JUN: variants seen among roughly 807,000 people sequenced by gnomAD.
JUN encodes the protein Jun proto-oncogene, AP-1 transcription factor subunit, also known as transcription factor Jun.
Under a neutral mutation model 19.7 loss-of-function variants are expected in JUN, and 7 were observed. The ratio of observed to expected loss-of-function variants is 0.36; its 90% CI spans 0.20 to 0.67. JUN has a LOEUF of 0.67. Among genes scored for constraint, JUN ranks in the 30% least tolerant of loss-of-function variants. The pLI is 0.64. For missense variants in JUN, 373 were observed against 451.0 expected (o/e 0.83, Z 1.57); for synonymous variants, 246 against 206.9 (o/e 1.19, Z -1.62).
rs2100738896 is a variant in JUN at position 58,782,343 on chromosome 1, G to A, written c.728C>T (p.Ser243Phe). ...CTCCTGGGACTCCATGTCGATGGGGGACAGGGGCGGTGTCTCGCCGGGCAT... is the reference window on the plus strand; with the variant it reads ...CTCCTGGGACTCCATGTCGATGGGGAACAGGGGCGGTGTCTCGCCGGGCAT... ...PEMPGETPPL[S>F]PIDMESQERI... is the part of the protein sequence containing the mutation. Residue 243 changes from serine to phenylalanine, a missense_variant, in exon 1 of 1, where the codon TCC becomes TTC. By Grantham distance (155) the Ser-to-Phe change is radical. Transcript: ENST00000371222. This position sits in a 1 kb window ranked among gnomAD's most constrained non-coding sequence, Gnocchi z 8.7. 6.2e-7 allele frequency: 1 copy of A among 1,614,158 alleles called. No homozygotes were observed. The highest frequency in any genetic ancestry group is 1.1e-5 in the South Asian group (1 of 91,086).
At position 58,782,930 on chromosome 1, in the gene JUN, C is replaced by T. The variant is rs2100740073; in HGVS notation, c.141G>A (p.Gly47=). Residue 47 remains glycine, a synonymous_variant, in exon 1 of 1, where the codon GGG becomes GGA. Transcript: ENST00000371222. This position sits in a 1 kb window ranked among gnomAD's most constrained non-coding sequence, Gnocchi z 8.7. ...TGGCGCGGAGGTGCGGCTTCAGGCTCCCCACTGGGTCGGCCAGGTTCAGGG... is the reference window on the plus strand; with the variant it reads ...TGGCGCGGAGGTGCGGCTTCAGGCTTCCCACTGGGTCGGCCAGGTTCAGGG... ...SMTLNLADPV[G]SLKPHLRAKN... 3.7e-6 allele frequency: 6 copies of T among 1,614,176 alleles called. No individual in the cohort carries two copies. The highest frequency in any genetic ancestry group is 5.1e-6 in the Non-Finnish European group (6 of 1,180,016).
rs1645580057 is a variant in JUN at position 58,782,174 on chromosome 1, G to T, written c.897C>A (p.Asn299Lys). The T allele has an allele frequency of 1.2e-6, 2 of 1,614,136 alleles. No individual in the cohort carries two copies. Among genetic ancestry groups the T allele is most frequent in the East Asian group, 4.5e-5 (2 of 44,902 alleles). The change falls in exon 1 of 1, where the codon AAC becomes AAA. Residue 299 changes from asparagine (N) to lysine (K), a missense_variant. Physicochemically the swap from Asn to Lys is moderately conservative, Grantham distance 94 (BLOSUM62 0). This residue lies in a region of JUN where 83 missense variants were observed against 143.0 expected (regional missense o/e 0.58). Coordinates refer to ENST00000371222, the MANE Select transcript of JUN (RefSeq NM_002228.4). The surrounding 1 kb of genome is among the most constrained non-coding windows in gnomAD (Gnocchi z 8.7). ...AQNSELASTANMLREQVAQLK... is the reference protein window; with the variant it reads ...AQNSELASTAKMLREQVAQLK... ...GCTGTGCCACCTGTTCCCTGAGCATGTTGGCCGTGGACGCCAGCTCCGAGT... is the reference window on the plus strand; with the variant it reads ...GCTGTGCCACCTGTTCCCTGAGCATTTTGGCCGTGGACGCCAGCTCCGAGT...
chr1:58,782,182 T>C lies in JUN; in HGVS notation c.889A>G (p.Thr297Ala). The part of the protein sequence containing the change: ...LKAQNSELAS[T>A]ANMLREQVAQ... ...ACCTGTTCCCTGAGCATGTTGGCCG[T>C]GGACGCCAGCTCCGAGTTCTGAGCT... Residue 297 changes from threonine (T) to alanine (A), a missense_variant, in exon 1 of 1, where the codon ACG becomes GCG. Physicochemically the swap from Thr to Ala is moderately conservative, Grantham distance 58. Around this residue, in one of 4 missense-constraint regions of JUN, gnomAD observed 83 missense variants for 143.0 expected, o/e 0.58. Coordinates refer to ENST00000371222, the MANE Select transcript of JUN (RefSeq NM_002228.4). The surrounding 1 kb of genome is among the most constrained non-coding windows in gnomAD (Gnocchi z 8.7). The C allele has an allele frequency of 6.2e-7, 1 of 1,614,276 alleles. No individual in the cohort carries two copies. The highest frequency in any genetic ancestry group is 8.5e-7 in the Non-Finnish European group (1 of 1,180,048).
rs559893745 is a variant in JUN at position 58,783,032 on chromosome 1, G to C, written c.39C>G (p.Ala13=). The C allele has an allele frequency of 6.2e-7, 1 of 1,614,174 alleles. No individual in the cohort carries two copies. Among genetic ancestry groups the C allele is most frequent in the East Asian group, 2.2e-5 (1 of 44,882 alleles). The stretch of plus-strand genomic sequence containing the variant: ...CGGACGGGAGGAACGAGGCGTTGAG[G>C]GCATCGTCATAGAAGGTCGTTTCCA... ...AKMETTFYDD[A]LNASFLPSES... Residue 13 remains alanine (A), a synonymous_variant, in exon 1 of 1, where the codon GCC becomes GCG. Transcript: ENST00000371222.
rs2100739588 is a variant in JUN, at chr1:58,782,670, G to A, written c.401C>T (p.Ala134Val). ...QNTLPSVTSA[A>V]QPVNGAGMVA... is the part of the protein sequence containing the mutation. ...CATGCCTGCCCCGTTGACCGGCTGCGCCGCCGACGTGACGCTGGGCAGCGT... is the reference window on the plus strand; with the variant it reads ...CATGCCTGCCCCGTTGACCGGCTGCACCGCCGACGTGACGCTGGGCAGCGT... The change falls in exon 1 of 1, where the codon GCG becomes GTG. Residue 134 changes from alanine to valine, a missense_variant. Physicochemically the swap from Ala to Val is moderately conservative, Grantham distance 64. Around this residue, in one of 4 missense-constraint regions of JUN, gnomAD observed 173 missense variants for 154.5 expected, o/e 1.12. Transcript: ENST00000371222. This position sits in a 1 kb window ranked among gnomAD's most constrained non-coding sequence, Gnocchi z 8.7. The A allele has an allele frequency of 1.3e-6, 2 of 1,589,044 alleles. No homozygotes were observed. Among genetic ancestry groups the A allele is most frequent in the Non-Finnish European group, 1.7e-6 (2 of 1,171,652 alleles).
rs756037775 is a variant in JUN, at chr1:58,783,072, G to A, written c.-2C>T. ...GGTCGTTTCCATCTTTGCAGTCATA[G>A]AACAGTCCGTCACTTCACGTGAGGT... is the stretch of plus-strand genomic sequence containing the variant. On this transcript the variant is annotated 5_prime_UTR_variant, in exon 1 of 1. Transcript: ENST00000371222. 7 of 1,610,018 alleles carry A rather than the reference G, an allele frequency of 4.3e-6. No homozygotes were observed. The East Asian group carries it at 1.6e-4, about 36-fold the overall frequency.
chr1:58,782,129 G>A lies in JUN; in HGVS notation c.942C>T (p.Asn314=), dbSNP rs1424822608. The change falls in exon 1 of 1, where the codon AAC becomes AAT. Residue 314 remains asparagine (N), a synonymous_variant. Coordinates refer to ENST00000371222, the MANE Select transcript of JUN (RefSeq NM_002228.4). The surrounding 1 kb of genome is among the most constrained non-coding windows in gnomAD (Gnocchi z 8.7). Reference sequence around the variant, plus strand: ...TGAGTTGGCACCCACTGTTAACGTGGTTCATGACTTTCTGTTTAAGCTGTG... The same window carrying A: ...TGAGTTGGCACCCACTGTTAACGTGATTCATGACTTTCTGTTTAAGCTGTG... The part of the protein sequence containing the change: ...QVAQLKQKVM[N]HVNSGCQLML... The A allele has an allele frequency of 1.2e-6, 2 of 1,614,120 alleles. No homozygotes were observed. Among genetic ancestry groups the A allele is most frequent in the Non-Finnish European group, 1.7e-6 (2 of 1,180,046 alleles).
In JUN at chr1:58,782,513, CCCG is replaced by C; in HGVS notation, c.555_557del (p.Gly186del). ...GGCCGGCCGCGCCGTAGGAGGGCGC[CCCG>C]CCGCCGCTGCTCAGCGCGCCTGGGT... On this transcript the variant is annotated inframe_deletion, in exon 1 of 1. Coordinates refer to ENST00000371222, the MANE Select transcript of JUN (RefSeq NM_002228.4). The surrounding 1 kb of genome is among the most constrained non-coding windows in gnomAD (Gnocchi z 8.7). The C allele has an allele frequency of 1.3e-6, 2 of 1,570,978 alleles. No homozygotes were observed. Among genetic ancestry groups the C allele is most frequent in the Admixed American group, 1.8e-5 (1 of 54,602 alleles).
rs573002199 is a variant in JUN at position 58,782,682 on chromosome 1, A to G, written c.389T>C (p.Val130Ala). Residue 130 changes from valine (V) to alanine (A), a missense_variant, in exon 1 of 1, where the codon GTC (valine) becomes GCC (alanine). Transcript: ENST00000371222. The surrounding 1 kb of genome is among the most constrained non-coding windows in gnomAD (Gnocchi z 8.7). ...ELHSQNTLPS[V>A]TSAAQPVNGA... ...GTTGACCGGCTGCGCCGCCGACGTG[A>G]CGCTGGGCAGCGTGTTCTGGCTGTG... The G allele has an allele frequency of 8.2e-6, 13 of 1,591,224 alleles. No individual in the cohort carries two copies. The highest frequency in any genetic ancestry group is 1.7e-5 in the Admixed American group (1 of 59,258).
Position 58,783,981 on chromosome 1 carries a change from T to C in JUN, c.-911A>G, listed in dbSNP as rs763834122. On this transcript the variant is annotated 5_prime_UTR_variant, in exon 1 of 1. Coordinates refer to ENST00000371222, the MANE Select transcript of JUN (RefSeq NM_002228.4). ...CTGGCTGGCTGGCTGTGTCTGTCTG[T>C]CTGCCTGACTCCGCGCACCTCCACT... The C allele has an allele frequency of 1.5e-4, 38 of 249,200 alleles. No individual in the cohort carries two copies. The highest frequency in any genetic ancestry group is 3.6e-4 in the South Asian group (2 of 5,564). 15.4% of individuals were successfully genotyped at this position (249,200 alleles called of 1,614,324 possible). A position where few individuals can be genotyped will look rare whatever the true frequency, so the allele number is the denominator to read the frequency against.
chr1:58,783,464 G>A lies in JUN; in HGVS notation c.-394C>T, dbSNP rs1645594254. 4.0e-6 allele frequency: 1 copy of A among 252,850 alleles called. No homozygotes were observed. The highest frequency in any genetic ancestry group is 2.2e-5 in the African/African-American group (1 of 45,520). The allele number at this position is 252,850 out of a possible 1,614,324, so 15.7% of individuals were successfully genotyped here. The stretch of plus-strand genomic sequence containing the variant: ...CCCTGCAGTGGCCGGCCGGCGGCGG[G>A]TCTTGGCCGCCCGGACTCCGACGAC... On this transcript the variant is annotated 5_prime_UTR_variant, in exon 1 of 1. Coordinates refer to ENST00000371222, the MANE Select transcript of JUN (RefSeq NM_002228.4).
rs530000931 is a variant in JUN at position 58,783,144 on chromosome 1, G to A, written c.-74C>T. ...GTTTCGGGGCCGCAACAGGGCTGTG[G>A]CAAGCGGGGGACACCCGCGCCCCCC... On this transcript the variant is annotated 5_prime_UTR_variant, in exon 1 of 1. Transcript: ENST00000371222. The A allele has an allele frequency of 6.1e-5, 93 of 1,534,022 alleles. No individual in the cohort carries two copies. The African/African-American group carries it at 1.2e-3, about 20-fold the overall frequency.
In JUN at chr1:58,782,375, C is replaced by A. The variant is rs767762985; in HGVS notation, c.696G>T (p.Val232=). The A allele has an allele frequency of 2.0e-5, 32 of 1,613,758 alleles. No individual in the cohort carries two copies. Among genetic ancestry groups the A allele is most frequent in the Admixed American group, 8.3e-5 (5 of 60,006 alleles). Residue 232 remains valine (V), a synonymous_variant, in exon 1 of 1, where the codon GTG becomes GTT. Transcript: ENST00000371222. This position sits in a 1 kb window ranked among gnomAD's most constrained non-coding sequence, Gnocchi z 8.7. ...LQALKEEPQT[V]PEMPGETPPL... ...GCGGTGTCTCGCCGGGCATCTCGGG[C>A]ACTGTCTGAGGCTCCTCCTTCAGGG...
In JUN at chr1:58,782,263, G is replaced by T. The variant is rs770259877; in HGVS notation, c.808C>A (p.Arg270=). ...MRNRIAASKC[R]KRKLERIARL... is the part of the protein sequence containing the mutation. ...GCGATTCTCTCCAGCTTCCTTTTTCGGCACTTGGAGGCAGCGATGCGGTTC... is the reference window on the plus strand; with the variant it reads ...GCGATTCTCTCCAGCTTCCTTTTTCTGCACTTGGAGGCAGCGATGCGGTTC... Residue 270 remains arginine (R), a synonymous_variant, in exon 1 of 1, where the codon CGA becomes AGA. Transcript: ENST00000371222. The surrounding 1 kb of genome is among the most constrained non-coding windows in gnomAD (Gnocchi z 8.7). 3.1e-6 allele frequency: 5 copies of T among 1,614,186 alleles called. No homozygotes were observed. The highest frequency in any genetic ancestry group is 4.2e-6 in the Non-Finnish European group (5 of 1,180,038).
Position 58,782,055 on chromosome 1 carries a change from C to A in JUN, c.*20G>T. ...GTTATTTTTTTTCTTCGTTGCCCCT[C>A]AGCCCCCGACGGTCTCTCTTCAAAA... On this transcript the variant is annotated 3_prime_UTR_variant, in exon 1 of 1. Transcript: ENST00000371222. This position sits in a 1 kb window ranked among gnomAD's most constrained non-coding sequence, Gnocchi z 8.7. 1.3e-6 allele frequency: 2 copies of A among 1,586,400 alleles called. No individual in the cohort carries two copies. The highest frequency in any genetic ancestry group is 1.7e-6 in the Non-Finnish European group (2 of 1,157,552).
rs1289320490 is a variant in JUN at position 58,782,536 on chromosome 1, C to G, written c.535G>C (p.Gly179Arg). 1 of 1,578,734 alleles carries G rather than the reference C, an allele frequency of 6.3e-7. No individual in the cohort carries two copies. Among genetic ancestry groups the G allele is most frequent in the South Asian group, 1.1e-5 (1 of 89,024 alleles). ...GCCCCGCCGCCGCTGCTCAGCGCGC[C>G]TGGGTTGAAGTTGCTGAGGTTTGCG... ...VYANLSNFNPGALSSGGGAPS... is the reference protein window; with the variant it reads ...VYANLSNFNPRALSSGGGAPS... Residue 179 changes from glycine to arginine, a missense_variant, in exon 1 of 1, where the codon GGC becomes CGC. By Grantham distance (125) the Gly-to-Arg change is moderately radical. This residue lies in a region of JUN where 173 missense variants were observed against 154.5 expected (regional missense o/e 1.12). Transcript: ENST00000371222. The surrounding 1 kb of genome is among the most constrained non-coding windows in gnomAD (Gnocchi z 8.7).
Position 58,781,050 on chromosome 1 carries a change from T to A in JUN, c.*1025A>T, listed in dbSNP as rs1263841383. On this transcript the variant is annotated 3_prime_UTR_variant, in exon 1 of 1. Coordinates refer to ENST00000371222, the MANE Select transcript of JUN (RefSeq NM_002228.4). The stretch of plus-strand genomic sequence containing the variant: ...TTGACTTCTCAGTGGGCTGTCCCTC[T>A]CCACTGCAACCCCCCTTCCTCCAGC... The A allele has an allele frequency of 1.3e-5, 3 of 233,084 alleles. No individual in the cohort carries two copies. Among genetic ancestry groups the A allele is most frequent in the African/African-American group, 4.4e-5 (2 of 45,340 alleles). The allele number at this position is 233,084 out of a possible 1,614,324, so 14.4% of individuals were successfully genotyped here.
At position 58,783,154 on chromosome 1, in the gene JUN, G is replaced by T. The variant is rs1327655603; in HGVS notation, c.-84C>A. The T allele has an allele frequency of 6.5e-7, 1 of 1,526,932 alleles. No homozygotes were observed. The highest frequency in any genetic ancestry group is 8.8e-7 in the Non-Finnish European group (1 of 1,136,094). 94.6% of individuals were successfully genotyped at this position (1,526,932 alleles called of 1,614,324 possible). A position where few individuals can be genotyped will look rare whatever the true frequency, so the allele number is the denominator to read the frequency against. On this transcript the variant is annotated 5_prime_UTR_variant, in exon 1 of 1. Coordinates refer to ENST00000371222, the MANE Select transcript of JUN (RefSeq NM_002228.4). ...CGCAACAGGGCTGTGGCAAGCGGGG[G>T]ACACCCGCGCCCCCCGGAGCCTTTG...
chr1:58,783,229 G>T lies in JUN; in HGVS notation c.-159C>A. On this transcript the variant is annotated 5_prime_UTR_variant, in exon 1 of 1. Transcript: ENST00000371222. The stretch of plus-strand genomic sequence containing the variant: ...CACGCACCCGCTGGCTGTCGTCCCC[G>T]CTGCGCCCTCCTCACCAGCTCGCTC... 1 of 1,119,984 alleles carries T rather than the reference G, an allele frequency of 8.9e-7. No homozygotes were observed. The highest frequency in any genetic ancestry group is 1.3e-6 in the Non-Finnish European group (1 of 793,724). The allele number at this position is 1,119,984 out of a possible 1,614,324, so 69.4% of individuals were successfully genotyped here. A position where few individuals can be genotyped will look rare whatever the true frequency, so the allele number is the denominator to read the frequency against.
Sources: gnomAD v4.1 joint callset for allele counts on GRCh38, gnomAD v4.1.1 for gene constraint, gnomAD v4.1.1 regional missense constraint, Gnocchi (gnomAD v3.1) non-coding constraint, MANE v1.5 for transcripts, NCBI Gene and HGNC (gene_info 2026-07-23, HGNC 2026-07-21) for gene names.